Variants in GPC5 observed in about 807,000 individuals in gnomAD.
GPC5 encodes the protein glypican 5, also known as glypican-5.
Under a neutral mutation model 53.9 loss-of-function variants are expected in GPC5, and 47 were observed. The observed-to-expected ratio is 0.87, with a 90% CI of 0.69 to 1.11. The LOEUF (loss-of-function observed/expected upper bound fraction) is 1.11. Ranked by LOEUF, GPC5 falls within the 50% of genes most tolerant of loss-of-function variation. The pLI, the probability that GPC5 is intolerant of heterozygous loss-of-function variation, is 0.00. For synonymous variants in GPC5, 286 were observed against 263.3 expected (o/e 1.09, Z -0.84); for missense variants, 748 against 713.1 (o/e 1.05, Z -0.56).
chr13:92,297,012 A>T (rs2043041028), intron 7 of GPC5, among the ~76,000 whole-genome samples: 1 of 151,920 alleles, frequency 6.6e-6, no homozygotes, highest in African/African-American at 2.4e-5. Context: ...GCTCCATGGC[A>T]CCCAGTCCCA....
intron 7 of GPC5, among the ~76,000 whole-genome samples, chr13:92,732,349 T>C (rs1338918277): frequency 6.6e-6 from 1 of 151,610 alleles, no homozygotes; most frequent in African/African-American, 2.4e-5. Context: ...TTCTCACTTA[T>C]ATTTTTCCTC....
intron 3 of GPC5, 81 bp from the exon 4 acceptor site, chr13:91,728,451 T>C (rs1173183540): frequency 5.1e-6 from 7 of 1,360,576 alleles, no homozygotes; most frequent in Non-Finnish European, 7.0e-6. Context: ...CGTGTCATTG[T>C]TTTGGGCCCT....
rs141977351 is a variant in GPC5 at position 92,467,797 on chromosome 13, C to T, written c.1561+322808C>T. Among the ~76,000 whole-genome samples the T allele has an allele frequency of 2.3e-3, 345 of 152,024 alleles. 1 individual carries two copies. Among genetic ancestry groups the T allele is most frequent in the African/African-American group, 8.0e-3 (330 of 41,484 alleles). The stretch of plus-strand genomic sequence containing the variant: ...ACTTGTGAACTTTAAATTCCCTCCC[C>T]GAAAAAACATTATTTGTTCAATGAA... On this transcript the variant is annotated intron_variant, in intron 7 of 7. Transcript: ENST00000377067.
At chr13:92,496,838 T>TGGC (rs1296308560) in intron 7 of GPC5, among the ~76,000 whole-genome samples, 2 of 152,188 alleles carry the variant, frequency 1.3e-5, no homozygotes, top group Admixed American at 1.3e-4. Context: ...CCTTTGTTAC[T>TGGC]GGCGGCAAAT....
At chr13:91,898,004 A>T (rs947787169) in intron 5 of GPC5, among the ~76,000 whole-genome samples, 15 of 152,320 alleles carry the variant, frequency 9.8e-5, no homozygotes, top group African/African-American at 3.6e-4. Context: ...GAAACAAACA[A>T]AAACAATTCA....
At chr13:92,554,477 T>C (rs1472730137) in intron 7 of GPC5, among the ~76,000 whole-genome samples, 1 of 151,542 alleles carries the variant, frequency 6.6e-6, no homozygotes, top group East Asian at 1.9e-4. Flanking sequence ...CCTGTATAGA[T>C]TTAACCCAAC....
intron 5 of GPC5, among the ~76,000 whole-genome samples, chr13:91,810,772 A>G (rs1289565843): frequency 6.6e-6 from 1 of 151,908 alleles, no homozygotes; most frequent in African/African-American, 2.4e-5. Context: ...AAACTTTTCC[A>G]TATGTCACCA....
At chr13:92,711,935 G>T (rs1292688222) in intron 7 of GPC5, among the ~76,000 whole-genome samples, 1 of 151,858 alleles carries the variant, frequency 6.6e-6, no homozygotes, top group African/African-American at 2.4e-5. Context: ...AGAGAAATTT[G>T]TAATACTAAA....
intron 7 of GPC5, among the ~76,000 whole-genome samples, chr13:92,736,351 T>C (rs906773125): frequency 6.6e-5 from 10 of 152,032 alleles, no homozygotes; most frequent in African/African-American, 1.9e-4. Flanking sequence ...CTTTGCTGTG[T>C]TCTAGAGTTC....
intron 7 of GPC5, among the ~76,000 whole-genome samples, chr13:92,166,921 G>GTCTCTCTCTC (rs35310453): frequency 6.1e-4 from 79 of 128,478 alleles, no homozygotes; most frequent in African/African-American, 2.2e-3. Context: ...ATAAGTCTCA[G>GTCTCTCTCTC]TCTCTCTCTC....
chr13:92,417,354 G>C (rs1428391614), intron 7 of GPC5, among the ~76,000 whole-genome samples: 1 of 152,196 alleles, frequency 6.6e-6, no homozygotes, highest in South Asian at 2.1e-4. Context: ...ATAATAAAGT[G>C]TGGGAGAGGA....
rs144051341 is a variant in GPC5, at chr13:92,142,171, A to G, written c.1402-2659A>G. 5.8e-3 allele frequency among the ~76,000 whole-genome samples: 890 copies of G among 152,348 alleles called. 11 individuals carry two copies. The highest frequency in any genetic ancestry group is 0.027 in the Middle Eastern group (8 of 294). ...TGTATCAAACCTGCACGTTGTGCAC[A>G]TGTACCCTAGAACTTAAAGTATAAT... On this transcript the variant is annotated intron_variant, in intron 6 of 7. Coordinates refer to ENST00000377067, the MANE Select transcript of GPC5 (RefSeq NM_004466.6).
intron 7 of GPC5, among the ~76,000 whole-genome samples, chr13:92,719,200 G>A (rs1888432021): frequency 6.7e-6 from 1 of 150,202 alleles, no homozygotes; most frequent in Non-Finnish European, 1.5e-5. Flanking sequence ...GTACCAAGAG[G>A]GTAAAGTATA....
chr13:91,656,919 G>A (rs905969136), intron 2 of GPC5, among the ~76,000 whole-genome samples: 1 of 152,216 alleles, frequency 6.6e-6, no homozygotes, highest in South Asian at 2.1e-4. Flanking sequence ...AAGGCTAAAC[G>A]ATGAAGGCTG....
intron 7 of GPC5, among the ~76,000 whole-genome samples, chr13:92,835,025 G>A (rs965934195): frequency 2.6e-5 from 4 of 152,008 alleles, no homozygotes; most frequent in African/African-American, 9.7e-5. Flanking sequence ...TTGTAAAGCT[G>A]AGAAAATAAT....
intron 7 of GPC5, among the ~76,000 whole-genome samples, chr13:92,156,695 G>T (rs541406491): frequency 6.6e-6 from 1 of 152,106 alleles, no homozygotes; most frequent in African/African-American, 2.4e-5. Flanking sequence ...ATGTCCCAAA[G>T]CTATGTTGCA....
chr13:91,560,830 T>C (rs1305741584), intron 2 of GPC5, among the ~76,000 whole-genome samples: 1 of 151,986 alleles, frequency 6.6e-6, no homozygotes, highest in Non-Finnish European at 1.5e-5. Context: ...GCAGCTTGAG[T>C]CACCACAGTG....
chr13:92,588,712 T>G (rs1035839538), intron 7 of GPC5, among the ~76,000 whole-genome samples: 4 of 152,178 alleles, frequency 2.6e-5, no homozygotes, highest in Non-Finnish European at 4.4e-5. Flanking sequence ...TAAGACAACT[T>G]AGAGAGTATG....
intron 7 of GPC5, among the ~76,000 whole-genome samples, chr13:92,703,763 A>C (rs2139255565): frequency 6.6e-6 from 1 of 151,922 alleles, no homozygotes; most frequent in East Asian, 1.9e-4. Flanking sequence ...ATACAAATCT[A>C]AAATGTAGAT....
Sources: gnomAD v4.1 joint callset for allele counts (sites outside exome capture counted in the v4.1 genomes callset) on GRCh38, gnomAD v4.1.1 for gene constraint, MANE v1.5 for transcripts, NCBI Gene and HGNC (gene_info 2026-07-23, HGNC 2026-07-21) for gene names.